Variants in RPN1 observed in about 807,000 individuals in gnomAD.
RPN1 encodes dolichyl-diphosphooligosaccharide--protein glycosyltransferase subunit 1.
RPN1 carries 12 observed loss-of-function variants against 55.5 expected under a neutral mutation model. The ratio of observed to expected loss-of-function variants is 0.22; its 90% CI spans 0.14 to 0.35. RPN1 has a LOEUF of 0.35. Among genes scored for constraint, RPN1 ranks in the 10% least tolerant of loss-of-function variants. RPN1 has a pLI of 1.00. For synonymous variants in RPN1, 317 were observed against 305.9 expected (o/e 1.04, Z -0.38); for missense variants, 679 against 761.3 (o/e 0.89, Z 1.27).
At chr3:128,635,059 C>T (rs886798377) in intron 3 of RPN1, among the ~76,000 whole-genome samples, 1 of 152,084 alleles carries the variant, frequency 6.6e-6, no homozygotes, top group Non-Finnish European at 1.5e-5. Flanking sequence ...ACAGTGGGCA[C>T]GTGGGCCCTG....
chr3:128,620,205 T>C lies in RPN1; in HGVS notation c.*206A>G. On this transcript the variant is annotated 3_prime_UTR_variant, in exon 10 of 10. Transcript: ENST00000296255. ...TTTAATGGGAGTTTTTTTAAAGTTT[T>C]CTTTTTTTAAAAAAAAAAAAAAAGA... 2.6e-6 allele frequency: 1 copy of C among 391,546 alleles called. No individual in the cohort carries two copies. Among genetic ancestry groups the C allele is most frequent in the Non-Finnish European group, 4.5e-6 (1 of 223,504 alleles). 24.3% of individuals were successfully genotyped at this position (391,546 alleles called of 1,614,324 possible). A position where few individuals can be genotyped will look rare whatever the true frequency, so the allele number is the denominator to read the frequency against.
Position 128,639,576 on chromosome 3 carries a change from CATTTT to C in RPN1, c.327-1476_327-1472del, listed in dbSNP as rs2069709537. Among the ~76,000 whole-genome samples, 10 of 151,240 alleles carry C rather than the reference CATTTT, an allele frequency of 6.6e-5. No individual in the cohort carries two copies. In the South Asian group the frequency reaches 2.1e-3, roughly 31 times the overall value. On this transcript the variant is annotated intron_variant, in intron 2 of 9. Transcript: ENST00000296255. ...AAGTTTAGTTTGTCTTTTCCAATTT[CATTTT>C]ATTTTTTATTATTATTATTTTTTGA...
chr3:128,642,833 A>G (rs537420121), intron 2 of RPN1, among the ~76,000 whole-genome samples: 1 of 151,792 alleles, frequency 6.6e-6, no homozygotes, highest in Admixed American at 6.6e-5. Flanking sequence ...CCTGGCTAAC[A>G]TGGTGAAACC....
At chr3:128,627,560 C>G (rs951048969) in intron 5 of RPN1, among the ~76,000 whole-genome samples, 18 of 152,100 alleles carry the variant, frequency 1.2e-4, no homozygotes, top group Non-Finnish European at 2.5e-4. Context: ...CACCTGAGGT[C>G]AGGAGTTCAA....
chr3:128,649,699 A>G (rs959294461), intron 1 of RPN1, among the ~76,000 whole-genome samples: 4 of 152,122 alleles, frequency 2.6e-5, no homozygotes, highest in Non-Finnish European at 4.4e-5. Flanking sequence ...CAAACCCAAC[A>G]TTTTCTTTGG....
intron 3 of RPN1, among the ~76,000 whole-genome samples, chr3:128,633,637 GA>G (rs915896858): frequency 7.2e-5 from 11 of 152,072 alleles, no homozygotes; most frequent in Middle Eastern, 3.4e-3. Flanking sequence ...ATATTAAATA[GA>G]AAAAAACTGT....
intron 8 of RPN1, among the ~76,000 whole-genome samples, chr3:128,624,807 G>T (rs1341544162): frequency 1.3e-5 from 2 of 151,898 alleles, no homozygotes; most frequent in African/African-American, 4.8e-5. Context: ...CTGCACTCCA[G>T]CATGGCAACA....
chr3:128,647,822 A>G lies in RPN1; in HGVS notation c.261+2718T>C, dbSNP rs1035221188. Among the ~76,000 whole-genome samples, 10 of 152,276 alleles carry G rather than the reference A, an allele frequency of 6.6e-5. No homozygotes were observed. In the South Asian group the frequency reaches 1.0e-3, roughly 16 times the overall value. ...CTTAATAAAATATTAGCATGCCAAA[A>G]TATTTCAGATACAGGATCCAAAAGA... On this transcript the variant is annotated intron_variant, in intron 1 of 9. Coordinates refer to ENST00000296255, the MANE Select transcript of RPN1 (RefSeq NM_002950.4).
At chr3:128,642,363 TAAC>T (rs2069732360) in intron 2 of RPN1, 1 of 152,004 alleles carries the variant, frequency 6.6e-6, no homozygotes, top group Non-Finnish European at 1.5e-5. Flanking sequence ...GGATTAAACT[TAAC>T]AACCAAAGAA....
At chr3:128,628,603 A>T (rs1304148846) in intron 5 of RPN1, among the ~76,000 whole-genome samples, 1 of 150,120 alleles carries the variant, frequency 6.7e-6, no homozygotes, top group East Asian at 2.0e-4. Flanking sequence ...TTTTGTAGAG[A>T]CCCGTTTTCA....
rs977077649 is a variant in RPN1 at position 128,620,347 on chromosome 3, A to C, written c.*64T>G. ...CCTCCATGCACAACCTCCCACTACC[A>C]CCCAATCTGCCTGCCACAGCAAAGT... On this transcript the variant is annotated 3_prime_UTR_variant, in exon 10 of 10. Coordinates refer to ENST00000296255, the MANE Select transcript of RPN1 (RefSeq NM_002950.4). 13 of 1,503,134 alleles carry C rather than the reference A, an allele frequency of 8.6e-6. No individual in the cohort carries two copies. In the Admixed American group the frequency reaches 2.5e-4, roughly 29 times the overall value. The allele number at this position is 1,503,134 out of a possible 1,614,324, so 93.1% of individuals were successfully genotyped here. A position where few individuals can be genotyped will look rare whatever the true frequency, so the allele number is the denominator to read the frequency against.
At chr3:128,644,610 A>G in intron 2 of RPN1, 1 of 529,654 alleles carries the variant, frequency 1.9e-6, no homozygotes, top group South Asian at 1.5e-5. Context: ...CAGTGAGTCA[A>G]CATGGCACCA....
chr3:128,625,648 G>C lies in RPN1; in HGVS notation c.1281C>G (p.His427Gln), dbSNP rs1455647705. 6.2e-7 allele frequency: 1 copy of C among 1,614,102 alleles called. No homozygotes were observed. Among genetic ancestry groups the C allele is most frequent in the Non-Finnish European group, 8.5e-7 (1 of 1,180,038 alleles). Residue 427 changes from histidine (H) to glutamine (Q), a missense_variant, in exon 8 of 10, where the codon CAC (histidine) becomes CAG (glutamine). His to Gln is a conservative substitution (Grantham distance 24). Coordinates refer to ENST00000296255, the MANE Select transcript of RPN1 (RefSeq NM_002950.4). The part of the protein sequence containing the change: ...VEQHIQDIVV[H>Q]YTFNKVLMLQ... Reference sequence around the variant, plus strand: ...GCATGAGCACCTTGTTGAACGTGTAGTGGACCTGGGAGAAGCAAGAGGACA... The same window carrying C: ...GCATGAGCACCTTGTTGAACGTGTACTGGACCTGGGAGAAGCAAGAGGACA...
rs1389428034 is a variant in RPN1 at position 128,620,445 on chromosome 3, A to G, written c.1790T>C (p.Val597Ala). The change falls in exon 10 of 10, where the codon GTC becomes GCC. Residue 597 changes from valine (V) to alanine (A), a missense_variant. This residue lies in a region of RPN1 where 306 missense variants were observed against 360.0 expected (regional missense o/e 0.85). Coordinates refer to ENST00000296255, the MANE Select transcript of RPN1 (RefSeq NM_002950.4). The part of the protein sequence containing the change: ...KLISGKRQEL[V>A]TKIDHILDAL ...ATCCAGGATGTGGTCGATCTTGGTG[A>G]CCAGCTCCTGGCGCTTTCCTGAGAT... 2 of 1,613,888 alleles carry G rather than the reference A, an allele frequency of 1.2e-6. No individual in the cohort carries two copies. The highest frequency in any genetic ancestry group is 3.3e-5 in the Admixed American group (2 of 59,980).
At chr3:128,637,686 A>G (rs1257479575) in intron 3 of RPN1, 113 bp downstream of exon 3, 2 of 1,100,294 alleles carry the variant, frequency 1.8e-6, no homozygotes, top group Non-Finnish European at 2.6e-6. Context: ...ATGACCTTAG[A>G]AATGACTGCA....
rs1264560213 is a variant in RPN1, at chr3:128,620,232, A to C, written c.*179T>G. 3 of 406,944 alleles carry C rather than the reference A, an allele frequency of 7.4e-6. No individual in the cohort carries two copies. Among genetic ancestry groups the C allele is most frequent in the Non-Finnish European group, 1.3e-5 (3 of 234,994 alleles). 25.2% of individuals were successfully genotyped at this position (406,944 alleles called of 1,614,324 possible). A position where few individuals can be genotyped will look rare whatever the true frequency, so the allele number is the denominator to read the frequency against. ...TTTTTTTAAAAAAAAAAAAAAAGAA[A>C]GTTAAGGACAAACGGCAAACTCACA... On this transcript the variant is annotated 3_prime_UTR_variant, in exon 10 of 10. Transcript: ENST00000296255.
intron 8 of RPN1, among the ~76,000 whole-genome samples, chr3:128,623,898 C>G (rs1037059954): frequency 6.6e-6 from 1 of 151,892 alleles, no homozygotes; most frequent in Non-Finnish European, 1.5e-5. Context: ...AAGAGAATAC[C>G]CTTGCTCTCA....
intron 8 of RPN1, among the ~76,000 whole-genome samples, chr3:128,624,710 G>A (rs139105649): frequency 8.5e-4 from 128 of 151,058 alleles, no homozygotes; most frequent in Non-Finnish European, 1.7e-3. Flanking sequence ...CCCTTGGTGC[G>A]CACCTGTGGT....
intron 2 of RPN1, among the ~76,000 whole-genome samples, chr3:128,640,230 A>C (rs555036818): frequency 6.6e-6 from 1 of 152,270 alleles, no homozygotes; most frequent in African/African-American, 2.4e-5. Context: ...CAGGGTACTA[A>C]TTCTAAACTG....
Sources: allele counts gnomAD v4.1 joint callset (sites outside exome capture counted in the v4.1 genomes callset), GRCh38; gene constraint gnomAD v4.1.1; regional missense constraint gnomAD v4.1.1; transcripts MANE v1.5; gene names NCBI Gene and HGNC (gene_info 2026-07-23, HGNC 2026-07-21).